TMEM74B: variants seen among roughly 807,000 people sequenced by gnomAD.
TMEM74B encodes transmembrane protein 74B, also known as transmembrane protein C20orf46.
Under a neutral mutation model 6.5 loss-of-function variants are expected in TMEM74B, and 7 were observed. The ratio of observed to expected loss-of-function variants is 1.07; its 90% confidence interval spans 0.61 to 2.01. TMEM74B has a LOEUF of 2.01. Among genes scored for constraint, TMEM74B ranks in the 30% most tolerant of loss-of-function variants. TMEM74B has a pLI of 0.00. For missense variants in TMEM74B, 342 were observed against 337.0 expected (o/e 1.01, Z -0.12); for synonymous variants, 151 against 151.6 (o/e 1.00, Z 0.03).
At chr20:1,182,540 T>TAA (rs1412667457) in intron 2 of TMEM74B, among the ~76,000 whole-genome samples, 2 of 151,912 alleles carry the variant, frequency 1.3e-5, no homozygotes, top group Admixed American at 6.6e-5. Flanking sequence ...ATGGCATGGC[T>TAA]AAAAGGGCCA....
upstream of TMEM74B, chr20:1,186,497 T>A (rs1446100089): frequency 6.6e-6 from 1 of 151,554 alleles, no homozygotes; most frequent in East Asian, 1.9e-4. Context: ...GTGGTCTCGG[T>A]TAGTACCTCT....
At chr20:1,188,213 C>T (rs1389950298), upstream of TMEM74B, among the ~76,000 whole-genome samples, 1 of 144,714 alleles carries the variant, frequency 6.9e-6, no homozygotes, top group African/African-American at 2.6e-5. Context: ...TATTTCCTTA[C>T]TGTCAGGCGA....
chr20:1,185,651 G>T (rs536724555), upstream of TMEM74B, among the ~76,000 whole-genome samples: 1 of 152,072 alleles, frequency 6.6e-6, no homozygotes, highest in Non-Finnish European at 1.5e-5. Flanking sequence ...CTGGATCGCC[G>T]GCGCCTGGGC....
upstream of TMEM74B, among the ~76,000 whole-genome samples, chr20:1,187,735 C>T (rs554870168): frequency 5.9e-5 from 9 of 152,196 alleles, no homozygotes; most frequent in East Asian, 7.7e-4. Context: ...AAGTGTGTGA[C>T]GAGTTTGAGA....
chr20:1,181,623 A>C lies in TMEM74B; in HGVS notation c.32-36T>G. 1 of 1,445,576 alleles carries C rather than the reference A, an allele frequency of 6.9e-7. No individual in the cohort carries two copies. The highest frequency in any genetic ancestry group is 9.0e-7 in the Non-Finnish European group (1 of 1,106,580). 89.5% of individuals were successfully genotyped at this position (1,445,576 alleles called of 1,614,324 possible). A position where few individuals can be genotyped will look rare whatever the true frequency, so the allele number is the denominator to read the frequency against. On this transcript the variant is annotated intron_variant, in intron 2 of 2. Coordinates refer to ENST00000429036, the MANE Select transcript of TMEM74B (RefSeq NM_001304748.2). This position sits in a 1 kb window ranked among gnomAD's most constrained non-coding sequence, Gnocchi z 4.9. The stretch of plus-strand genomic sequence containing the variant: ...AAAAAGAAAGTCAGTTGAATGTAGC[A>C]ACCTCTCCCTGTTGTGGAGGACATC...
At chr20:1,189,294 A>G (rs1263741239), upstream of TMEM74B, 1 of 152,212 alleles carries the variant, frequency 6.6e-6, no homozygotes, top group Non-Finnish European at 1.5e-5. The surrounding 1 kb of genome is among the most constrained non-coding windows in gnomAD (Gnocchi z 4.5). Flanking sequence ...GTCACAAACG[A>G]TAGGAACCTA....
chr20:1,183,921 T>C lies in TMEM74B; in HGVS notation c.-120A>G. 1 of 1,177,388 alleles carries C rather than the reference T, an allele frequency of 8.5e-7. No individual in the cohort carries two copies. Among genetic ancestry groups the C allele is most frequent in the South Asian group, 1.4e-5 (1 of 72,878 alleles). 72.9% of individuals were successfully genotyped at this position (1,177,388 alleles called of 1,614,324 possible). A position where few individuals can be genotyped will look rare whatever the true frequency, so the allele number is the denominator to read the frequency against. ...GGCATAAGTTTGAATTCCATCTGGGTCCCCAGCCTGCGCCCAGACTGCTTT... is the reference window on the plus strand; with the variant it reads ...GGCATAAGTTTGAATTCCATCTGGGCCCCCAGCCTGCGCCCAGACTGCTTT... On this transcript the variant is annotated 5_prime_UTR_variant, in exon 2 of 3. Coordinates refer to ENST00000429036, the MANE Select transcript of TMEM74B (RefSeq NM_001304748.2).
chr20:1,181,971 G>A lies in TMEM74B; in HGVS notation c.32-384C>T, dbSNP rs1217. ...TCCTATTATACTGGAGGGAATGTAG[G>A]TAGTGTGAATATCAGGCTCAAATCC... On this transcript the variant is annotated intron_variant, in intron 2 of 2. Coordinates refer to ENST00000429036, the MANE Select transcript of TMEM74B (RefSeq NM_001304748.2). This position sits in a 1 kb window ranked among gnomAD's most constrained non-coding sequence, Gnocchi z 4.9. 0.76 allele frequency among the ~76,000 whole-genome samples: 115,569 copies of A among 152,182 alleles called. 44,526 individuals carry two copies. Among genetic ancestry groups the A allele is most frequent in the African/African-American group, 0.89 (36,877 of 41,544 alleles).
rs66669236 is a variant in TMEM74B, at chr20:1,184,621, T to TACACACACAC, written c.-477_-468dup. ...GTACCCCGTCACACGCACACGCGCG[T>TACACACACAC]ACACACACACACACACACACACACA... On this transcript the variant is annotated 5_prime_UTR_variant, in exon 1 of 3. Coordinates refer to ENST00000429036, the MANE Select transcript of TMEM74B (RefSeq NM_001304748.2). This position sits in a 1 kb window ranked among gnomAD's most constrained non-coding sequence, Gnocchi z 6.0. 10 of 145,192 alleles carry TACACACACAC rather than the reference T, an allele frequency of 6.9e-5. No individual in the cohort carries two copies. The highest frequency in any genetic ancestry group is 2.3e-4 in the South Asian group (1 of 4,416). 9.0% of individuals were successfully genotyped at this position (145,192 alleles called of 1,614,324 possible). A position where few individuals can be genotyped will look rare whatever the true frequency, so the allele number is the denominator to read the frequency against.
upstream of TMEM74B, among the ~76,000 whole-genome samples, chr20:1,186,960 G>A (rs1426447962): frequency 6.6e-6 from 1 of 152,182 alleles, no homozygotes; most frequent in African/African-American, 2.4e-5. Flanking sequence ...TCTGTGAAAC[G>A]GATGTAGGAA....
At chr20:1,183,187 G>C (rs1236604156) in intron 2 of TMEM74B, among the ~76,000 whole-genome samples, 1 of 152,202 alleles carries the variant, frequency 6.6e-6, no homozygotes, top group Non-Finnish European at 1.5e-5. Flanking sequence ...GTGCAGAGTG[G>C]CTCACATGCT....
At position 1,183,876 on chromosome 20, in the gene TMEM74B, C is replaced by G; in HGVS notation, c.-75G>C. 6.4e-7 allele frequency: 1 copy of G among 1,571,850 alleles called. No individual in the cohort carries two copies. The highest frequency in any genetic ancestry group is 8.7e-7 in the Non-Finnish European group (1 of 1,147,756). On this transcript the variant is annotated 5_prime_UTR_variant, in exon 2 of 3. Transcript: ENST00000429036. Reference sequence around the variant, plus strand: ...ATTTTATCCAGCTGTTTATCAGCAACCGTGAGCACCTTGAGAGCAGGCATA... The same window carrying G: ...ATTTTATCCAGCTGTTTATCAGCAAGCGTGAGCACCTTGAGAGCAGGCATA...
intron 2 of TMEM74B, among the ~76,000 whole-genome samples, chr20:1,183,221 A>G (rs1199020446): frequency 2.0e-5 from 3 of 152,126 alleles, no homozygotes; most frequent in East Asian, 1.9e-4. Context: ...GCACACATAC[A>G]TGCACACACA....
Position 1,181,619 on chromosome 20 carries a change from T to C in TMEM74B, c.32-32A>G. 1 of 1,451,350 alleles carries C rather than the reference T, an allele frequency of 6.9e-7. No homozygotes were observed. The highest frequency in any genetic ancestry group is 9.0e-7 in the Non-Finnish European group (1 of 1,109,658). 89.9% of individuals were successfully genotyped at this position (1,451,350 alleles called of 1,614,324 possible). A position where few individuals can be genotyped will look rare whatever the true frequency, so the allele number is the denominator to read the frequency against. On this transcript the variant is annotated intron_variant, in intron 2 of 2. Coordinates refer to ENST00000429036, the MANE Select transcript of TMEM74B (RefSeq NM_001304748.2). The surrounding 1 kb of genome is among the most constrained non-coding windows in gnomAD (Gnocchi z 4.9). Reference sequence around the variant, plus strand: ...GAGAAAAAAGAAAGTCAGTTGAATGTAGCAACCTCTCCCTGTTGTGGAGGA... The same window carrying C: ...GAGAAAAAAGAAAGTCAGTTGAATGCAGCAACCTCTCCCTGTTGTGGAGGA...
Position 1,180,858 on chromosome 20 carries a change from T to C in TMEM74B, c.761A>G (p.Gln254Arg). Residue 254 changes from glutamine to arginine, a missense_variant, in exon 3 of 3, where the codon CAG becomes CGG. Physicochemically the swap from Gln to Arg is conservative, Grantham distance 43. Transcript: ENST00000429036. This position sits in a 1 kb window ranked among gnomAD's most constrained non-coding sequence, Gnocchi z 6.1. Reference sequence around the variant, plus strand: ...AAGGTGGGCTAGTTCTTAAGACCTCTGGAGGGTGTGGCTAGTCTCTGAGAC... The same window carrying C: ...AAGGTGGGCTAGTTCTTAAGACCTCCGGAGGGTGTGGCTAGTCTCTGAGAC... ...VQVSETSHTL[Q>R]RS 1 of 1,591,234 alleles carries C rather than the reference T, an allele frequency of 6.3e-7. No individual in the cohort carries two copies.
chr20:1,183,695 A>T, intron 2 of TMEM74B, 76 bp downstream of exon 2: 1 of 1,533,524 alleles, frequency 6.5e-7, no homozygotes, highest in South Asian at 1.1e-5. Context: ...CATGGCCAAG[A>T]TCCCATGGCA....
rs1200735988 is a variant in TMEM74B at position 1,183,756 on chromosome 20, T to TC, written c.31+14_31+15insG. ...TTGAATGCAGATTCCCTAAGAATTA[T>TC]TATCATGTACAAACCTGCAAACTCA... is the stretch of plus-strand genomic sequence containing the variant. On this transcript the variant is annotated intron_variant, in intron 2 of 2. Coordinates refer to ENST00000429036, the MANE Select transcript of TMEM74B (RefSeq NM_001304748.2). 1 of 1,613,900 alleles carries TC rather than the reference T, an allele frequency of 6.2e-7. No homozygotes were observed. The highest frequency in any genetic ancestry group is 8.5e-7 in the Non-Finnish European group (1 of 1,179,958).
chr20:1,186,814 C>T (rs142758258), upstream of TMEM74B, among the ~76,000 whole-genome samples: 3 of 152,268 alleles, frequency 2.0e-5, no homozygotes, highest in East Asian at 5.8e-4. Flanking sequence ...CCCAGCCTTG[C>T]AGAGGCCTGG....
At chr20:1,185,387 G>T, upstream of TMEM74B, 1 of 151,486 alleles carries the variant, frequency 6.6e-6, no homozygotes, top group Non-Finnish European at 1.5e-5. Context: ...CGAGGCGCAC[G>T]TACCTACTCG....
Sources: gnomAD v4.1 joint callset for allele counts (sites outside exome capture counted in the v4.1 genomes callset) on GRCh38, gnomAD v4.1.1 for gene constraint, Gnocchi (gnomAD v3.1) non-coding constraint, MANE v1.5 for transcripts, NCBI Gene and HGNC (gene_info 2026-07-23, HGNC 2026-07-21) for gene names.